SEPTIN10: variants seen among roughly 807,000 people sequenced by gnomAD.
SEPTIN10 encodes septin 10.
A neutral mutation model predicts 54.8 loss-of-function variants in SEPTIN10; 66 were observed. The observed-to-expected ratio is 1.21, with a 90% CI of 0.99 to 1.48. The LOEUF (loss-of-function observed/expected upper bound fraction) is 1.48, where lower values mean the gene tolerates loss of function less well. Among genes scored for constraint, SEPTIN10 ranks in the 40% most tolerant of loss-of-function variants. The probability of loss-of-function intolerance (pLI) is 0.00; values close to 1 mark genes in which losing one functional copy is unlikely to be tolerated. For missense variants in SEPTIN10, 620 were observed against 545.6 expected, an observed-to-expected ratio of 1.14 and a Z score of -1.36; for synonymous variants, 161 against 181.0, an observed-to-expected ratio of 0.89 and a Z score of 0.89.
At chr2:109,580,984 T>A (rs1690974690) in intron 4 of SEPTIN10, among the ~76,000 whole-genome samples, 1 of 152,174 alleles carries the variant, frequency 6.6e-6, no homozygotes, top group East Asian at 1.9e-4. Flanking sequence ...CAGGAAGCAC[T>A]GCACATCTGG....
At chr2:109,590,059 TATATATACACACAC>T in intron 2 of SEPTIN10, among the ~76,000 whole-genome samples, 1 of 146,906 alleles carries the variant, frequency 6.8e-6, no homozygotes, top group Non-Finnish European at 1.5e-5. Flanking sequence ...TGTGTGTGTA[TATATATACACACAC>T]ATATATATGT....
chr2:109,589,268 C>T (rs1292541987), intron 2 of SEPTIN10, among the ~76,000 whole-genome samples: 2 of 152,098 alleles, frequency 1.3e-5, no homozygotes, highest in Non-Finnish European at 2.9e-5. Flanking sequence ...TGCGGTGGCT[C>T]ATGCCTATAA....
At chr2:109,579,047 A>G (rs937277363) in intron 4 of SEPTIN10, among the ~76,000 whole-genome samples, 1 of 152,230 alleles carries the variant, frequency 6.6e-6, no homozygotes, top group Non-Finnish European at 1.5e-5. Flanking sequence ...AGACTAATCA[A>G]TCAGAAAAAG....
Position 109,608,208 on chromosome 2 carries a change from G to A in SEPTIN10, c.30+5590C>T, listed in dbSNP as rs1216608237. Among the ~76,000 whole-genome samples, 3 of 152,126 alleles carry A rather than the reference G, an allele frequency of 2.0e-5. No homozygotes were observed. In the East Asian group the frequency reaches 5.8e-4, roughly 29 times the overall value. ...AATGTTCCTGCCAAATAGTATATAT[G>A]CAGCTAAGGAAAAATGTCACCATGC... On this transcript the variant is annotated intron_variant, in intron 1 of 10. Coordinates refer to ENST00000397712, the MANE Select transcript of SEPTIN10 (RefSeq NM_144710.5).
At chr2:109,596,929 A>G (rs1387349457) in intron 1 of SEPTIN10, among the ~76,000 whole-genome samples, 1 of 152,142 alleles carries the variant, frequency 6.6e-6, no homozygotes, top group African/African-American at 2.4e-5. Context: ...GATTTTCTTA[A>G]TTTTTTTAAA....
At chr2:109,562,246 A>T (rs956412948) in intron 8 of SEPTIN10, among the ~76,000 whole-genome samples, 8 of 151,942 alleles carry the variant, frequency 5.3e-5, no homozygotes, top group Non-Finnish European at 5.9e-5. Flanking sequence ...AATTAAATTT[A>T]AAAAAATACA....
At chr2:109,609,615 CAAAAA>C (rs59667245) in intron 1 of SEPTIN10, among the ~76,000 whole-genome samples, 1 of 97,968 alleles carries the variant, frequency 1.0e-5, no homozygotes, top group African/African-American at 3.9e-5. Context: ...GACTCCGCCT[CAAAAA>C]AAAAAAAAAA....
intron 8 of SEPTIN10, among the ~76,000 whole-genome samples, chr2:109,559,911 CTTTTTTTTTT>C (rs1185486244): frequency 8.5e-6 from 1 of 117,558 alleles, no homozygotes; most frequent in Non-Finnish European, 1.7e-5. Context: ...CAACCAATGC[CTTTTTTTTTT>C]TTTTTTTTTT....
chr2:109,554,286 T>C (rs1683824525), intron 8 of SEPTIN10, among the ~76,000 whole-genome samples: 1 of 152,106 alleles, frequency 6.6e-6, no homozygotes, highest in African/African-American at 2.4e-5. Context: ...CAATAACAAA[T>C]ATGGCAGGGT....
intron 1 of SEPTIN10, among the ~76,000 whole-genome samples, chr2:109,603,519 G>T: frequency 6.6e-6 from 1 of 151,994 alleles, no homozygotes; most frequent in South Asian, 2.1e-4. Context: ...GATTACAGGC[G>T]TGCACCACCG....
At chr2:109,555,396 T>C (rs1558719363) in intron 8 of SEPTIN10, among the ~76,000 whole-genome samples, 1 of 152,278 alleles carries the variant, frequency 6.6e-6, no homozygotes, top group East Asian at 1.9e-4. Context: ...TCTACCCCCA[T>C]GCTGTCCTGC....
rs550461514 is a variant in SEPTIN10 at position 109,565,929 on chromosome 2, TGA to T, written c.763-72_763-71del. The stretch of plus-strand genomic sequence containing the variant: ...CTGACTAGATAAAATAAATTTTATG[TGA>T]GAGAGAAGAGAATAATTAAATAACA... On this transcript the variant is annotated intron_variant, in intron 6 of 10. Coordinates refer to ENST00000397712, the MANE Select transcript of SEPTIN10 (RefSeq NM_144710.5). 152 of 1,315,266 alleles carry T rather than the reference TGA, an allele frequency of 1.2e-4. 4 individuals carry two copies. The South Asian group carries it at 1.6e-3, about 14-fold the overall frequency. 81.5% of individuals were successfully genotyped at this position (1,315,266 alleles called of 1,614,324 possible).
chr2:109,595,205 T>A (rs1695050013), intron 1 of SEPTIN10, among the ~76,000 whole-genome samples: 1 of 152,168 alleles, frequency 6.6e-6, no homozygotes, highest in East Asian at 1.9e-4. Context: ...TTTCAAATCC[T>A]AAGTTTTTCC....
At chr2:109,613,482 G>C (rs969599087) in intron 1 of SEPTIN10, 1 of 247,960 alleles carries the variant, frequency 4.0e-6, no homozygotes, top group African/African-American at 2.2e-5. Context: ...CGTTATAGCC[G>C]TAAGAGACCC....
In SEPTIN10 at chr2:109,613,792, A is replaced by G; in HGVS notation, c.30+6T>C. 8.1e-7 allele frequency: 1 copy of G among 1,228,768 alleles called. No individual in the cohort carries two copies. Among genetic ancestry groups the G allele is most frequent in the Non-Finnish European group, 1.0e-6 (1 of 986,182 alleles). 76.1% of individuals were successfully genotyped at this position (1,228,768 alleles called of 1,614,324 possible). On this transcript the variant is annotated splice_donor_region_variant and intron_variant, in intron 1 of 10. Coordinates refer to ENST00000397712, the MANE Select transcript of SEPTIN10 (RefSeq NM_144710.5). ...GGGCTGGGGCCCCGGCGTCGGCGGG[A>G]CTCACCAGGTGCCGCGCCACCTCGG...
intron 1 of SEPTIN10, among the ~76,000 whole-genome samples, chr2:109,598,942 T>C (rs529312050): frequency 5.3e-5 from 8 of 151,806 alleles, no homozygotes; most frequent in African/African-American, 1.7e-4. Flanking sequence ...TTCAGGAGGG[T>C]GGGGTATTTG....
intron 4 of SEPTIN10, among the ~76,000 whole-genome samples, chr2:109,580,379 T>C (rs1365478373): frequency 6.8e-6 from 1 of 147,638 alleles, no homozygotes; most frequent in Non-Finnish European, 1.5e-5. Context: ...GGTGAAAGCA[T>C]ATATTAATGA....
At chr2:109,596,074 T>G (rs1355713770) in intron 1 of SEPTIN10, among the ~76,000 whole-genome samples, 2 of 152,112 alleles carry the variant, frequency 1.3e-5, no homozygotes, top group African/African-American at 4.8e-5. Context: ...CACTATTGCT[T>G]AAGCTAGAGT....
intron 1 of SEPTIN10, among the ~76,000 whole-genome samples, chr2:109,603,447 G>C (rs1697121405): frequency 6.6e-6 from 1 of 151,974 alleles, no homozygotes; most frequent in African/African-American, 2.4e-5. Flanking sequence ...CACCCTGTTA[G>C]CCAAGATGGT....
Sources: allele counts gnomAD v4.1 joint callset (sites outside exome capture counted in the v4.1 genomes callset), GRCh38; gene constraint gnomAD v4.1.1; transcripts MANE v1.5; gene names NCBI Gene and HGNC (gene_info 2026-07-23, HGNC 2026-07-21).